Variants in KDM8 observed in about 807,000 individuals in gnomAD.
KDM8 encodes lysine demethylase 8.
A neutral mutation model predicts 46.9 loss-of-function variants in KDM8; 35 were observed. That is an observed-to-expected ratio of 0.75 (90% CI 0.57 to 0.99). The LOEUF is 0.99. KDM8 is among the 50% of genes least tolerant of loss of function. The pLI, the probability that KDM8 is intolerant of heterozygous loss-of-function variation, is 0.00. For synonymous variants in KDM8, 232 were observed against 227.7 expected, an observed-to-expected ratio of 1.02 and a Z score of -0.17; for missense variants, 475 against 537.0, an observed-to-expected ratio of 0.88 and a Z score of 1.14.
chr16:27,214,285 C>A (rs893377125), intron 3 of KDM8: 1 of 155,590 alleles, frequency 6.4e-6, no homozygotes, highest in Non-Finnish European at 1.4e-5. Flanking sequence ...TGTGGTTTCG[C>A]GGAGGGAATG....
chr16:27,220,517 G>C, intron 7 of KDM8, 32 bp downstream of exon 7: 1 of 1,613,644 alleles, frequency 6.2e-7, no homozygotes, highest in South Asian at 1.1e-5. Flanking sequence ...TGACGTTGCA[G>C]GTTCTCCCCA....
intron 1 of KDM8, chr16:27,204,421 C>T: frequency 8.6e-7 from 1 of 1,158,630 alleles, no homozygotes; most frequent in South Asian, 3.3e-5. Context: ...TGAATTAAAG[C>T]TTTCTGGAAA....
chr16:27,221,422 C>T lies in KDM8; in HGVS notation c.*692C>T, dbSNP rs963031086. The stretch of plus-strand genomic sequence containing the variant: ...GAGCAGTGGGAGCTTTCTGTCATCC[C>T]CATGGCTCAAGGATAACCTACCTGC... On this transcript the variant is annotated 3_prime_UTR_variant, in exon 8 of 8. Coordinates refer to ENST00000286096, the MANE Select transcript of KDM8 (RefSeq NM_024773.3). 1.3e-5 allele frequency: 2 copies of T among 158,250 alleles called. No individual in the cohort carries two copies. The highest frequency in any genetic ancestry group is 4.8e-5 in the African/African-American group (2 of 41,514). 9.8% of individuals were successfully genotyped at this position (158,250 alleles called of 1,614,324 possible). A position where few individuals can be genotyped will look rare whatever the true frequency, so the allele number is the denominator to read the frequency against.
In KDM8 at chr16:27,210,336, C is replaced by G. The variant is rs1179999068; in HGVS notation, c.213C>G (p.Ile71Met). The change falls in exon 2 of 8, where the codon ATC (isoleucine) becomes ATG (methionine). Residue 71 changes from isoleucine to methionine, a missense_variant. Ile to Met is a conservative substitution (Grantham distance 10, BLOSUM62 1). Transcript: ENST00000286096. ...AGTGTCTGCAGAGCAGCGAGGTGATCCTGGACTACTCCTGGGAGAAGCTCA... is the reference window on the plus strand; with the variant it reads ...AGTGTCTGCAGAGCAGCGAGGTGATGCTGGACTACTCCTGGGAGAAGCTCA... ...RDECLQSSEV[I>M]LDYSWEKLNT... is the part of the protein sequence containing the mutation. 2 of 1,613,206 alleles carry G rather than the reference C, an allele frequency of 1.2e-6. No individual in the cohort carries two copies. Among genetic ancestry groups the G allele is most frequent in the East Asian group, 4.5e-5 (2 of 44,900 alleles).
At chr16:27,217,356 C>T (rs2083567070) in intron 5 of KDM8, among the ~76,000 whole-genome samples, 1 of 152,204 alleles carries the variant, frequency 6.6e-6, no homozygotes. Context: ...TCTCTGCATC[C>T]TCGGCCAGTG....
In KDM8 at chr16:27,220,354, G is replaced by GT. The variant is rs772789051; in HGVS notation, c.994-38dup. The GT allele has an allele frequency of 3.7e-5, 58 of 1,579,958 alleles. 3 individuals are homozygous for GT. The South Asian group carries it at 6.4e-4, about 17-fold the overall frequency. Reference sequence around the variant, plus strand: ...AGAGTGGGCTTGGGGCAGCAGTGGAGTGAGGCCACCAGCTGACTGTCAGGG... The same window carrying GT: ...AGAGTGGGCTTGGGGCAGCAGTGGAGTTGAGGCCACCAGCTGACTGTCAGGG... On this transcript the variant is annotated intron_variant, in intron 6 of 7. Coordinates refer to ENST00000286096, the MANE Select transcript of KDM8 (RefSeq NM_024773.3).
At chr16:27,217,333 G>C (rs1332711966) in intron 5 of KDM8, among the ~76,000 whole-genome samples, 1 of 152,214 alleles carries the variant, frequency 6.6e-6, no homozygotes, top group Admixed American at 6.5e-5. Flanking sequence ...CGGGAGCACT[G>C]ATTCCCTTCG....
rs1357680292 is a variant in KDM8, at chr16:27,210,132, A to T, written c.9A>T (p.Gly3=). 6.2e-7 allele frequency: 1 copy of T among 1,612,146 alleles called. No individual in the cohort carries two copies. Among genetic ancestry groups the T allele is most frequent in the South Asian group, 1.1e-5 (1 of 91,022 alleles). The stretch of plus-strand genomic sequence containing the variant: ...CAGCTGGTGGTGGCCCGATGGCTGG[A>T]GACACCCACTGCCCCGCAGAGCCCC... The part of the protein sequence containing the change: MA[G]DTHCPAEPLA... Residue 3 remains glycine (G), a synonymous_variant, in exon 2 of 8, where the codon GGA becomes GGT. Coordinates refer to ENST00000286096, the MANE Select transcript of KDM8 (RefSeq NM_024773.3).
chr16:27,206,131 G>A (rs1024917223), intron 1 of KDM8: 2 of 613,332 alleles, frequency 3.3e-6, no homozygotes, highest in Non-Finnish European at 4.1e-6. Flanking sequence ...AGCTCTCGAA[G>A]GCCAGTCTGT....
rs1473431953 is a variant in KDM8, at chr16:27,219,062, A to T, written c.945A>T (p.Gly315=). The T allele has an allele frequency of 2.5e-6, 4 of 1,613,864 alleles. No individual in the cohort carries two copies. In the East Asian group the frequency reaches 6.7e-5, roughly 27 times the overall value. ...ITINAWFGPQ[G]TISPLHQDPQ... ...TCAATGCCTGGTTTGGTCCCCAGGG[A>T]ACCATCTCCCCACTACATCAGGATC... is the stretch of plus-strand genomic sequence containing the variant. The change falls in exon 6 of 8, where the codon GGA becomes GGT. Residue 315 remains glycine (G), a synonymous_variant. Transcript: ENST00000286096.
chr16:27,219,310 C>T (rs2083591140), intron 6 of KDM8, among the ~76,000 whole-genome samples, 200 bp downstream of exon 6: 1 of 152,250 alleles, frequency 6.6e-6, no homozygotes, highest in Non-Finnish European at 1.5e-5. Context: ...CCAGAAGCGG[C>T]TCCTCCTGCA....
At chr16:27,218,684 C>T (rs9926551) in intron 5 of KDM8, among the ~76,000 whole-genome samples, 85,740 of 151,884 alleles carry the variant, frequency 0.56, 24,623 homozygotes, top group East Asian at 0.88. Flanking sequence ...TCTACAAAAA[C>T]AAAAATTAAA....
chr16:27,204,237 G>A (rs1239115064), intron 1 of KDM8: 4 of 1,423,674 alleles, frequency 2.8e-6, no homozygotes, highest in Non-Finnish European at 3.7e-6. Context: ...CTTGTAGCTC[G>A]GTAGGACTTA....
At chr16:27,215,056 A>G (rs1326799921) in intron 4 of KDM8, 48 bp downstream of exon 4, 1 of 1,601,292 alleles carries the variant, frequency 6.2e-7, no homozygotes, top group Non-Finnish European at 8.6e-7. Flanking sequence ...GGCAGAGAGC[A>G]TAGTACATTT....
In KDM8 at chr16:27,220,854, C is replaced by A; in HGVS notation, c.*124C>A. ...TGTGTCCTGAAGAGCCTTCACTGCC[C>A]AGTGGCAGCCCTGGGGGGCTGAGCT... On this transcript the variant is annotated 3_prime_UTR_variant, in exon 8 of 8. Coordinates refer to ENST00000286096, the MANE Select transcript of KDM8 (RefSeq NM_024773.3). 1 of 1,176,232 alleles carries A rather than the reference C, an allele frequency of 8.5e-7. No individual in the cohort carries two copies. The highest frequency in any genetic ancestry group is 1.3e-6 in the Non-Finnish European group (1 of 796,134). 72.9% of individuals were successfully genotyped at this position (1,176,232 alleles called of 1,614,324 possible).
At chr16:27,206,151 C>G (rs1205622382) in intron 1 of KDM8, 1 of 882,386 alleles carries the variant, frequency 1.1e-6, no homozygotes, top group Non-Finnish European at 1.4e-6. Context: ...TGGCACCACT[C>G]TCAAAGACTG....
At chr16:27,209,948 G>A in intron 1 of KDM8, 145 bp from the exon 2 acceptor site, 1 of 805,450 alleles carries the variant, frequency 1.2e-6, no homozygotes, top group East Asian at 2.5e-5. Context: ...CCAGACAGAT[G>A]AGGGCCCTCC....
intron 1 of KDM8, among the ~76,000 whole-genome samples, chr16:27,205,213 C>T (rs887232472): frequency 2.0e-5 from 3 of 152,140 alleles, no homozygotes; most frequent in Non-Finnish European, 4.4e-5. Flanking sequence ...TTATACTTGG[C>T]TCCTTTTTGT....
chr16:27,206,067 T>C, intron 1 of KDM8: 1 of 171,154 alleles, frequency 5.8e-6, no homozygotes, highest in Non-Finnish European at 1.2e-5. Flanking sequence ...GACCCACCTA[T>C]ACCTGGCCAC....
Sources: gnomAD v4.1 joint callset for allele counts (sites outside exome capture counted in the v4.1 genomes callset) on GRCh38, gnomAD v4.1.1 for gene constraint, MANE v1.5 for transcripts, NCBI Gene and HGNC (gene_info 2026-07-23, HGNC 2026-07-21) for gene names.